The following LTBP1 variants were observed in gnomAD, a reference collection of about 807,000 sequenced individuals.
The protein encoded by LTBP1 is latent transforming growth factor beta binding protein 1, also known as latent-transforming growth factor beta-binding protein 1.
In LTBP1, 129 loss-of-function variants were observed where a neutral mutation model predicts 207.6. That is an observed-to-expected ratio of 0.62 (90% confidence interval 0.54 to 0.72). The LOEUF is 0.72. Among genes scored for constraint, LTBP1 ranks in the 30% least tolerant of loss-of-function variants. The pLI is 0.00. For missense variants in LTBP1, 2,281 were observed against 2,217.2 expected (o/e 1.03, Z -0.58); for synonymous variants, 963 against 833.7 (o/e 1.16, Z -2.67).
intron 5 of LTBP1, among the ~76,000 whole-genome samples, chr2:33,163,343 G>A (rs2084625469): frequency 1.3e-5 from 2 of 152,202 alleles, no homozygotes; most frequent in Non-Finnish European, 1.5e-5. Flanking sequence ...ATGATGGCAA[G>A]AGTACAAAAC....
intron 13 of LTBP1, among the ~76,000 whole-genome samples, chr2:33,261,621 A>T (rs1048992418): frequency 4.6e-5 from 7 of 152,170 alleles, no homozygotes; most frequent in Admixed American, 6.5e-5. Flanking sequence ...TGAAAGAGGG[A>T]GGACTAAAAG....
chr2:33,355,402 C>T (rs962441007), intron 26 of LTBP1, among the ~76,000 whole-genome samples: 2 of 152,080 alleles, frequency 1.3e-5, no homozygotes, highest in African/African-American at 4.8e-5. Flanking sequence ...TGCACATCCT[C>T]CTGTATACAT....
In LTBP1 at chr2:33,134,089, A is replaced by G. The variant is rs535672206; in HGVS notation, c.1034-704A>G. Among the ~76,000 whole-genome samples the G allele has an allele frequency of 2.0e-5, 3 of 152,302 alleles. No individual in the cohort carries two copies. In the South Asian group the frequency reaches 6.2e-4, roughly 32 times the overall value. Reference sequence around the variant, plus strand: ...GGGTGTTATTTTTAGGGAGGCAACCATTTATCCCTGTGACCTGGCTTACCC... The same window carrying G: ...GGGTGTTATTTTTAGGGAGGCAACCGTTTATCCCTGTGACCTGGCTTACCC... On this transcript the variant is annotated intron_variant, in intron 4 of 33. Coordinates refer to ENST00000404816, the MANE Select transcript of LTBP1 (RefSeq NM_206943.4). The surrounding 1 kb of genome is among the most constrained non-coding windows in gnomAD (Gnocchi z 4.4).
At chr2:33,069,885 C>T (rs1448377809) in intron 3 of LTBP1, among the ~76,000 whole-genome samples, 1 of 152,214 alleles carries the variant, frequency 6.6e-6, no homozygotes, top group Non-Finnish European at 1.5e-5. Flanking sequence ...CTCAACAGCT[C>T]ACAGTCTGAG....
chr2:33,013,586 G>A (rs1306547310), intron 2 of LTBP1, among the ~76,000 whole-genome samples: 3 of 151,318 alleles, frequency 2.0e-5, no homozygotes, highest in African/African-American at 4.9e-5. Context: ...TTGAATGCCT[G>A]TGATTAAAAA....
At chr2:33,020,885 G>A in intron 2 of LTBP1, 24 bp from the exon 3 acceptor site, 2 of 1,549,852 alleles carry the variant, frequency 1.3e-6, no homozygotes, top group Non-Finnish European at 8.7e-7. Context: ...CTTCAAAGCT[G>A]TGCCTTCTGT....
intron 8 of LTBP1, among the ~76,000 whole-genome samples, chr2:33,219,299 C>T (rs907144926): frequency 3.0e-4 from 45 of 152,116 alleles, no homozygotes; most frequent in African/African-American, 1.0e-3. Flanking sequence ...ATTTGCAATG[C>T]AAATTTCCAG....
chr2:33,298,098 AAAG>A (rs2148941578), intron 20 of LTBP1, among the ~76,000 whole-genome samples: 1 of 152,348 alleles, frequency 6.6e-6, no homozygotes, highest in South Asian at 2.1e-4. Flanking sequence ...GGCACAAAAG[AAAG>A]AAGACATTTG....
intron 26 of LTBP1, among the ~76,000 whole-genome samples, chr2:33,351,854 C>T (rs1297775700): frequency 6.6e-6 from 1 of 152,196 alleles, no homozygotes; most frequent in Non-Finnish European, 1.5e-5. Flanking sequence ...CTGTCCATTC[C>T]TTAAATAATA....
intron 22 of LTBP1, among the ~76,000 whole-genome samples, chr2:33,307,477 A>G (rs2094116658): frequency 6.6e-6 from 1 of 152,232 alleles, no homozygotes; most frequent in Non-Finnish European, 1.5e-5. Context: ...AACTACTGAT[A>G]CACACAGCAA....
intron 2 of LTBP1, among the ~76,000 whole-genome samples, chr2:33,005,911 C>T (rs977005535): frequency 1.3e-5 from 2 of 150,686 alleles, no homozygotes; most frequent in South Asian, 2.1e-4. Context: ...ATGGGAGTAG[C>T]AGCATAAAGT....
chr2:33,259,682 A>AT, intron 13 of LTBP1, 72 bp downstream of exon 13: 1 of 1,415,388 alleles, frequency 7.1e-7, no homozygotes, highest in South Asian at 1.3e-5. Context: ...ATATGTATGG[A>AT]TTTTTTAGAC....
chr2:33,108,475 C>T (rs2080192900), intron 3 of LTBP1, among the ~76,000 whole-genome samples: 1 of 152,050 alleles, frequency 6.6e-6, no homozygotes, highest in Admixed American at 6.5e-5. Flanking sequence ...TATTACATTT[C>T]TGTTACATTC....
At chr2:33,380,020 AAAC>A (rs942275785) in intron 31 of LTBP1, among the ~76,000 whole-genome samples, 5 of 152,256 alleles carry the variant, frequency 3.3e-5, no homozygotes, top group African/African-American at 1.2e-4. Flanking sequence ...TAGTAAAAGA[AAAC>A]AAAATTTATC....
chr2:33,077,769 A>C (rs1252404834), intron 3 of LTBP1, among the ~76,000 whole-genome samples: 2 of 152,224 alleles, frequency 1.3e-5, no homozygotes, highest in Non-Finnish European at 2.9e-5. Context: ...ACCAAGCCCA[A>C]AACTCTCAAA....
At chr2:33,224,370 C>A (rs987251433) in intron 9 of LTBP1, among the ~76,000 whole-genome samples, 2 of 152,188 alleles carry the variant, frequency 1.3e-5, no homozygotes, top group Non-Finnish European at 2.9e-5. Flanking sequence ...ATGTCAGATG[C>A]TCCTAATTTC....
At position 33,050,130 on chromosome 2, in the gene LTBP1, A is replaced by ATT. The variant is rs11318613; in HGVS notation, c.863+28936_863+28937dup. ...AAGTGCTGGGATTATAGGCGTAAGC[A>ATT]TTTTTTTTTTTTTCTTTTCTTTTCT... On this transcript the variant is annotated intron_variant, in intron 3 of 33. Transcript: ENST00000404816. Among the ~76,000 whole-genome samples, 966 of 144,614 alleles carry ATT rather than the reference A, an allele frequency of 6.7e-3. 13 individuals carry two copies. The highest frequency in any genetic ancestry group is 0.024 in the African/African-American group (905 of 38,216). 94.9% of individuals were successfully genotyped at this position (144,614 alleles called of 152,430 possible).
chr2:32,986,175 T>A (rs1413485941), intron 2 of LTBP1, among the ~76,000 whole-genome samples: 4 of 152,170 alleles, frequency 2.6e-5, no homozygotes, highest in African/African-American at 9.7e-5. Flanking sequence ...TACATTTGAT[T>A]CATCTTTAGT....
At chr2:32,993,041 G>T (rs573550206) in intron 2 of LTBP1, among the ~76,000 whole-genome samples, 1 of 152,118 alleles carries the variant, frequency 6.6e-6, no homozygotes, top group Non-Finnish European at 1.5e-5. Flanking sequence ...GTGCGTTGAG[G>T]TGCTGGTGGG....
Sources: gnomAD v4.1 joint callset for allele counts (sites outside exome capture counted in the v4.1 genomes callset) on GRCh38, gnomAD v4.1.1 for gene constraint, Gnocchi (gnomAD v3.1) non-coding constraint, MANE v1.5 for transcripts, NCBI Gene and HGNC (gene_info 2026-07-23, HGNC 2026-07-21) for gene names.